ZC4H2: variants seen among roughly 807,000 people sequenced by gnomAD.
ZC4H2 encodes zinc finger C4H2-type containing, also known as zinc finger C4H2 domain-containing protein.
For missense variants in ZC4H2, 137 were observed against 173.9 expected, an observed-to-expected ratio of 0.79 and a Z score of 1.19; for synonymous variants, 84 against 66.3, an observed-to-expected ratio of 1.27 and a Z score of -1.30.
chrX:64,958,349 C>T (rs943880791), intron 1 of ZC4H2, among the ~76,000 whole-genome samples: 1 of 111,838 alleles, frequency 8.9e-6, no homozygotes, highest in Non-Finnish European at 1.9e-5. Flanking sequence ...GTATTGTTCA[C>T]TGAAACATCA....
chrX:64,975,128 C>A (rs979006929), intron 1 of ZC4H2, among the ~76,000 whole-genome samples: 6 of 110,576 alleles, frequency 5.4e-5, no homozygotes, highest in African/African-American at 2.0e-4. Flanking sequence ...CACTCAAATT[C>A]TCTGGGCCTC....
At position 64,993,157 on chromosome X, in the gene ZC4H2, G is replaced by A. The variant is rs901315277; in HGVS notation, c.-272+41472C>T. The stretch of plus-strand genomic sequence containing the variant: ...TACTTTTTTTGTACAAGTATGTGTC[G>A]TGCAACATTTCAGACATATTAGGTT... On this transcript the variant is annotated intron_variant, in intron 1 of 4. Transcript: ENST00000337990. Among the ~76,000 whole-genome samples the A allele has an allele frequency of 7.1e-5, 8 of 112,062 alleles. No individual in the cohort carries two copies. In the South Asian group the frequency reaches 2.6e-3, roughly 36 times the overall value.
chrX:64,957,671 G>A, intron 1 of ZC4H2, among the ~76,000 whole-genome samples: 1 of 109,437 alleles, frequency 9.1e-6, no homozygotes, highest in Non-Finnish European at 1.9e-5. Context: ...ACCAGCCTAG[G>A]CAACATAGGA....
chrX:64,953,643 G>T (rs891608418), intron 1 of ZC4H2, among the ~76,000 whole-genome samples: 1 of 110,634 alleles, frequency 9.0e-6, no homozygotes, highest in African/African-American at 3.3e-5. Flanking sequence ...CACCAGAATG[G>T]CGATCATTAA....
At chrX:64,932,501 C>G (rs777766702) in intron 1 of ZC4H2, among the ~76,000 whole-genome samples, 1 of 111,408 alleles carries the variant, frequency 9.0e-6, no homozygotes, top group South Asian at 3.8e-4. Flanking sequence ...TGGTGTATAT[C>G]AAGGTTTTCT....
At chrX:64,952,800 C>G (rs1204149337) in intron 1 of ZC4H2, among the ~76,000 whole-genome samples, 1 of 109,792 alleles carries the variant, frequency 9.1e-6, no homozygotes, top group African/African-American at 3.3e-5. Flanking sequence ...ACTTTCTTCA[C>G]AGAATTGGAA....
chrX:64,949,844 T>A (rs746758817), intron 1 of ZC4H2, among the ~76,000 whole-genome samples: 1 of 111,774 alleles, frequency 8.9e-6, no homozygotes, highest in South Asian at 3.7e-4. Context: ...TGTCTCTATC[T>A]CCTTCAGTTC....
At chrX:65,000,085 G>A (rs1443377430) in intron 1 of ZC4H2, among the ~76,000 whole-genome samples, 2 of 112,469 alleles carry the variant, frequency 1.8e-5, no homozygotes, top group East Asian at 2.8e-4. Context: ...CAGCATGTGA[G>A]CTCTGCTTAA....
At chrX:64,926,817 T>G (rs931062060) in intron 1 of ZC4H2, among the ~76,000 whole-genome samples, 2 of 111,777 alleles carry the variant, frequency 1.8e-5, no homozygotes, top group African/African-American at 6.5e-5. Flanking sequence ...ATTCACAGGA[T>G]GTAATACCTG....
At chrX:65,005,751 C>T (rs1246146986) in intron 1 of ZC4H2, among the ~76,000 whole-genome samples, 1 of 111,091 alleles carries the variant, frequency 9.0e-6, no homozygotes, top group Non-Finnish European at 1.9e-5. Flanking sequence ...GCAAAGGGAA[C>T]TATCATCAGA....
intron 1 of ZC4H2, among the ~76,000 whole-genome samples, chrX:64,991,952 GA>G (rs1339510960): frequency 3.6e-5 from 4 of 111,839 alleles, no homozygotes; most frequent in Non-Finnish European, 7.5e-5. Context: ...CCATTCATGT[GA>G]AATATACAGT....
At chrX:64,975,510 G>A (rs1931919133) in intron 1 of ZC4H2, among the ~76,000 whole-genome samples, 1 of 112,074 alleles carries the variant, frequency 8.9e-6, no homozygotes, top group Non-Finnish European at 1.9e-5. Context: ...CAAAGCAGGG[G>A]CTCACGCTGA....
chrX:64,954,349 T>C (rs1473139147), intron 1 of ZC4H2, among the ~76,000 whole-genome samples: 2 of 70,990 alleles, frequency 2.8e-5, no homozygotes, highest in East Asian at 3.5e-4. Flanking sequence ...ATTATATATA[T>C]ATATAATTAT....
At position 64,919,158 on chromosome X, in the gene ZC4H2, G is replaced by A. The variant is rs201052633; in HGVS notation, c.445C>T (p.Pro149Ser). ...KAEWQTEPQE[P>S]PIPESLAAAA... ...GCGGCCAGGGACTCAGGGATGGGGG[G>A]CTCCTGAGGTTCTGTCTGCCATTCT... Residue 149 changes from proline to serine, a missense_variant, in exon 4 of 5, where the codon CCC (proline) becomes TCC (serine). Coordinates refer to ENST00000374839, the MANE Select transcript of ZC4H2 (RefSeq NM_018684.4). 1.7e-6 allele frequency: 2 copies of A among 1,210,590 alleles called. No individual in the cohort carries two copies. The highest frequency in any genetic ancestry group is 2.2e-6 in the Non-Finnish European group (2 of 894,881).
chrX:64,969,982 G>A (rs1931720736), intron 1 of ZC4H2, among the ~76,000 whole-genome samples: 1 of 111,619 alleles, frequency 9.0e-6, no homozygotes, highest in African/African-American at 3.3e-5. Flanking sequence ...ACTCAAGGGA[G>A]AGATCAGAGC....
chrX:65,001,379 A>C (rs911252394), intron 1 of ZC4H2, among the ~76,000 whole-genome samples: 1 of 112,113 alleles, frequency 8.9e-6, no homozygotes, highest in Non-Finnish European at 1.9e-5. Flanking sequence ...AAAATCCTTT[A>C]CAGACAAGCA....
intron 1 of ZC4H2, among the ~76,000 whole-genome samples, chrX:65,028,226 A>G (rs1212958592): frequency 9.0e-6 from 1 of 111,246 alleles, no homozygotes; most frequent in Non-Finnish European, 1.9e-5. Flanking sequence ...GGCTTTTAAG[A>G]AGAGGATATA....
chrX:64,955,675 T>C (rs749666859), intron 1 of ZC4H2, among the ~76,000 whole-genome samples: 1 of 111,987 alleles, frequency 8.9e-6, no homozygotes, highest in Admixed American at 9.5e-5. Context: ...TCTAGCATCA[T>C]GAGATTCTTG....
chrX:64,995,777 G>A (rs150909166), intron 1 of ZC4H2, among the ~76,000 whole-genome samples: 2 of 112,279 alleles, frequency 1.8e-5, no homozygotes, highest in East Asian at 2.8e-4. Context: ...CTAACTGTCT[G>A]GGGGCTGCCT....
Sources: allele counts gnomAD v4.1 joint callset (sites outside exome capture counted in the v4.1 genomes callset), GRCh38; gene constraint gnomAD v4.1.1; transcripts MANE v1.5; gene names NCBI Gene and HGNC (gene_info 2026-07-23, HGNC 2026-07-21).